Variants in TRPM4 observed in about 807,000 individuals in gnomAD.
The protein encoded by TRPM4 is calcium-activated non-selective cation channel 1.
A neutral mutation model predicts 135.6 loss-of-function variants in TRPM4; 124 were observed. That is an observed-to-expected ratio of 0.91 (90% CI 0.79 to 1.06). The LOEUF is 1.06. Among genes scored for constraint, TRPM4 ranks in the 50% least tolerant of loss-of-function variants. The pLI is 0.00. For synonymous variants in TRPM4, 745 were observed against 705.6 expected (o/e 1.06, Z -0.88); for missense variants, 1,658 against 1,671.4 (o/e 0.99, Z 0.14).
intron 9 of TRPM4, among the ~76,000 whole-genome samples, chr19:49,175,982 G>T (rs1967677831): frequency 6.8e-6 from 1 of 147,066 alleles, no homozygotes; most frequent in Admixed American, 6.9e-5. Flanking sequence ...GGAGTGCAAT[G>T]GCGCCATCTC....
intron 19 of TRPM4, 137 bp from the exon 20 acceptor site, chr19:49,201,827 C>T: frequency 1.1e-6 from 1 of 907,422 alleles, no homozygotes; most frequent in African/African-American, 1.6e-5. Flanking sequence ...CTCAAACTCC[C>T]CACCTCAGGT....
In TRPM4 at chr19:49,166,191, G is replaced by A. The variant is rs375928899; in HGVS notation, c.243G>A (p.Thr81=). ...PTDAYGELDF[T]GAGRKHSNFL... The stretch of plus-strand genomic sequence containing the variant: ...ATGCCTACGGAGAGCTGGACTTCAC[G>A]GGGGCCGGCCGCAAGCACAGCAATG... The change falls in exon 3 of 25, where the codon ACG becomes ACA. Residue 81 remains threonine (T), a synonymous_variant. Transcript: ENST00000252826. 965 of 1,607,752 alleles carry A rather than the reference G, an allele frequency of 6.0e-4. 6 individuals carry two copies. The South Asian group carries it at 0.01, about 17-fold the overall frequency.
At position 49,168,070 on chromosome 19, in the gene TRPM4, G is replaced by T. The variant is rs766840706; in HGVS notation, c.421G>T (p.Gly141Trp). The stretch of plus-strand genomic sequence containing the variant: ...CTGGCTGCAGGACCTGCTGCGTCGT[G>T]GGCTGGTGCGGGCTGCCCAGAGCAC... ...QTWLQDLLRRGLVRAAQSTGA... is the reference protein window; with the variant it reads ...QTWLQDLLRRWLVRAAQSTGA... The change falls in exon 4 of 25, where the codon GGG becomes TGG. Residue 141 changes from glycine to tryptophan, a missense_variant. By Grantham distance (184) the Gly-to-Trp change is radical (BLOSUM62 -2). Around this residue, in one of 3 missense-constraint regions of TRPM4, gnomAD observed 239 missense variants for 240.1 expected, o/e 1.00. Transcript: ENST00000252826. 13 of 1,607,628 alleles carry T rather than the reference G, an allele frequency of 8.1e-6. 1 individual carries two copies. The Admixed American group carries it at 1.7e-4, about 21-fold the overall frequency.
intron 12 of TRPM4, among the ~76,000 whole-genome samples, chr19:49,185,205 A>T (rs1968154641): frequency 6.6e-6 from 1 of 150,450 alleles, no homozygotes; most frequent in Non-Finnish European, 1.5e-5. Flanking sequence ...TTTCCTACTC[A>T]TTTCTATTCA....
chr19:49,159,554 C>G (rs2041600247), intron 2 of TRPM4: 1 of 152,132 alleles, frequency 6.6e-6, no homozygotes, highest in Admixed American at 6.6e-5. Context: ...GCGATATCAG[C>G]TCACTGCAAC....
intron 14 of TRPM4, 29 bp from the exon 15 acceptor site, chr19:49,190,179 T>G (rs1301385520): frequency 7.5e-6 from 12 of 1,592,482 alleles, no homozygotes; most frequent in Non-Finnish European, 9.5e-6. Flanking sequence ...GGGGGAGATT[T>G]GGATCCTAAT....
rs765781527 is a variant in TRPM4 at position 49,166,081 on chromosome 19, C to T, written c.133C>T (p.Pro45Ser). 1 of 1,602,506 alleles carries T rather than the reference C, an allele frequency of 6.2e-7. No individual in the cohort carries two copies. The highest frequency in any genetic ancestry group is 8.5e-7 in the Non-Finnish European group (1 of 1,175,824). Residue 45 changes from proline to serine, a missense_variant, in exon 3 of 25, where the codon CCC becomes TCC. Physicochemically the swap from Pro to Ser is moderately conservative, Grantham distance 74 (BLOSUM62 -1). This residue lies in a region of TRPM4 where 239 missense variants were observed against 240.1 expected (regional missense o/e 1.00). Coordinates refer to ENST00000252826, the MANE Select transcript of TRPM4 (RefSeq NM_017636.4). ...CQCGRPRTAH[P>S]AVAMEDAFGA... ...GTGTGGGCGCCCCCGGACCGCCCACCCCGCAGTGGCCATGGAGGATGCCTT... is the reference window on the plus strand; with the variant it reads ...GTGTGGGCGCCCCCGGACCGCCCACTCCGCAGTGGCCATGGAGGATGCCTT...
chr19:49,158,435 C>T, intron 2 of TRPM4, 176 bp downstream of exon 2: 1 of 656,526 alleles, frequency 1.5e-6, no homozygotes, highest in East Asian at 2.6e-5. Flanking sequence ...AGACACCCCT[C>T]ATTCCCCATT....
chr19:49,187,192 CTTGT>C (rs1391937506), intron 12 of TRPM4, among the ~76,000 whole-genome samples: 2 of 142,514 alleles, frequency 1.4e-5, no homozygotes, highest in South Asian at 2.2e-4. Flanking sequence ...TAAGCATTTT[CTTGT>C]TTTTTTTTTT....
chr19:49,211,501 C>G lies in TRPM4; in HGVS notation c.*3C>G. Reference sequence around the variant, plus strand: ...TTTTCTCTCTTCCCCCAGACTGAGCCCTGCTGGCGGACTTCAAGGAGAAGC... The same window carrying G: ...TTTTCTCTCTTCCCCCAGACTGAGCGCTGCTGGCGGACTTCAAGGAGAAGC... On this transcript the variant is annotated 3_prime_UTR_variant, in exon 25 of 25. Coordinates refer to ENST00000252826, the MANE Select transcript of TRPM4 (RefSeq NM_017636.4). This position sits in a 1 kb window ranked among gnomAD's most constrained non-coding sequence, Gnocchi z 4.8. 6.2e-7 allele frequency: 1 copy of G among 1,614,080 alleles called. No homozygotes were observed. Among genetic ancestry groups the G allele is most frequent in the African/African-American group, 1.3e-5 (1 of 75,062 alleles).
intron 20 of TRPM4, among the ~76,000 whole-genome samples, chr19:49,206,022 A>G (rs1969136458): frequency 6.6e-6 from 1 of 151,956 alleles, no homozygotes; most frequent in South Asian, 2.1e-4. Flanking sequence ...TTGCAGTGGC[A>G]CGATCTCTGC....
At chr19:49,173,838 A>T (rs1967567737) in intron 9 of TRPM4, among the ~76,000 whole-genome samples, 1 of 151,994 alleles carries the variant, frequency 6.6e-6, no homozygotes, top group African/African-American at 2.4e-5. Context: ...AACAAAAAAA[A>T]AATTTTTTTT....
Position 49,210,823 on chromosome 19 carries a change from C to T in TRPM4, c.3442C>T (p.Leu1148=), listed in dbSNP as rs772770966. ...RDKRESDSER[L]KRTSQKVDLA... ...CAAGCGGGAGAGCGACTCCGAGCGT[C>T]TGAAGCGCACGTCCCAGAAGTGAGA... Residue 1148 remains leucine, a synonymous_variant, in exon 22 of 25, where the codon CTG becomes TTG. Coordinates refer to ENST00000252826, the MANE Select transcript of TRPM4 (RefSeq NM_017636.4). This position sits in a 1 kb window ranked among gnomAD's most constrained non-coding sequence, Gnocchi z 4.1. 5 of 1,612,342 alleles carry T rather than the reference C, an allele frequency of 3.1e-6. No individual in the cohort carries two copies. Among genetic ancestry groups the T allele is most frequent in the Non-Finnish European group, 4.2e-6 (5 of 1,179,530 alleles).
chr19:49,193,408 C>T (rs1311860116), intron 16 of TRPM4, among the ~76,000 whole-genome samples: 1 of 152,124 alleles, frequency 6.6e-6, no homozygotes, highest in Admixed American at 6.6e-5. Flanking sequence ...ATTCCAACAA[C>T]CCAGTGCAAT....
Position 49,188,638 on chromosome 19 carries a change from C to T in TRPM4, c.1744-3C>T. On this transcript the variant is annotated splice_region_variant and splice_polypyrimidine_tract_variant and intron_variant, in intron 12 of 24. Transcript: ENST00000252826. ...CGCATCCGTGCCCTCTTTGTCTCTC[C>T]AGGGTTCCAATGCAGTTTCCTCAGC... 6.2e-7 allele frequency: 1 copy of T among 1,614,206 alleles called. No homozygotes were observed. The highest frequency in any genetic ancestry group is 1.7e-5 in the Admixed American group (1 of 60,020).
chr19:49,199,415 C>G (rs920447595), intron 17 of TRPM4, among the ~76,000 whole-genome samples: 1 of 152,112 alleles, frequency 6.6e-6, no homozygotes, highest in Non-Finnish European at 1.5e-5. Context: ...CCTGCCTCCA[C>G]GCCCGGCTAA....
At chr19:49,208,666 A>G (rs933642992) in intron 20 of TRPM4, among the ~76,000 whole-genome samples, 2 of 152,138 alleles carry the variant, frequency 1.3e-5, no homozygotes, top group Non-Finnish European at 2.9e-5. Context: ...AATCATATCT[A>G]TGATCTATAT....
chr19:49,157,900 G>C lies in TRPM4; in HGVS notation c.24+10G>C, dbSNP rs755783855. The C allele has an allele frequency of 1.3e-5, 20 of 1,535,070 alleles. No homozygotes were observed. Among genetic ancestry groups the C allele is most frequent in the East Asian group, 9.8e-5 (4 of 40,900 alleles). On this transcript the variant is annotated intron_variant, in intron 1 of 24. Transcript: ENST00000252826. ...GCCGGAGAAGGAGCAGGTGAGCGCC[G>C]GACCAGGGTCTGCGGGAGCGCGGAG...
chr19:49,204,346 A>G (rs1296140659), intron 20 of TRPM4, among the ~76,000 whole-genome samples: 1 of 152,156 alleles, frequency 6.6e-6, no homozygotes, highest in Admixed American at 6.5e-5. Context: ...TGGTTTCCAC[A>G]GCAGCTGCAC....
Sources: allele counts gnomAD v4.1 joint callset (sites outside exome capture counted in the v4.1 genomes callset), GRCh38; gene constraint gnomAD v4.1.1; regional missense constraint gnomAD v4.1.1; non-coding constraint Gnocchi (gnomAD v3.1); transcripts MANE v1.5; gene names NCBI Gene and HGNC (gene_info 2026-07-23, HGNC 2026-07-21).